Variants in MRE11 observed in about 807,000 individuals in gnomAD.
The protein encoded by MRE11 is double-strand break repair protein MRE11.
In MRE11, 62 loss-of-function variants were observed where a neutral mutation model predicts 91.7. The observed-to-expected ratio is 0.68, with a 90% CI of 0.55 to 0.84. MRE11 has a LOEUF of 0.84. Among genes scored for constraint, MRE11 ranks in the 40% least tolerant of loss-of-function variants. MRE11 has a pLI of 0.00. For synonymous variants in MRE11, 273 were observed against 271.4 expected, an observed-to-expected ratio of 1.01 and a Z score of -0.06; for missense variants, 796 against 852.9, an observed-to-expected ratio of 0.93 and a Z score of 0.83.
In MRE11 at chr11:94,488,605, T is replaced by C. The variant is rs999956487; in HGVS notation, c.153+2228A>G. 5.3e-5 allele frequency among the ~76,000 whole-genome samples: 8 copies of C among 152,298 alleles called. No individual in the cohort carries two copies. The East Asian group carries it at 1.3e-3, about 26-fold the overall frequency. Reference sequence around the variant, plus strand: ...AAGAAAATGTGGTACATATAAACCATGGAATACTATGCAGCTATTAAAAAG... The same window carrying C: ...AAGAAAATGTGGTACATATAAACCACGGAATACTATGCAGCTATTAAAAAG... On this transcript the variant is annotated intron_variant, in intron 3 of 19. Coordinates refer to ENST00000323929, the MANE Select transcript of MRE11 (RefSeq NM_005591.4).
chr11:94,463,008 A>G (rs657249), intron 11 of MRE11, among the ~76,000 whole-genome samples: 44,299 of 152,138 alleles, frequency 0.29, 6,883 homozygotes, highest in Middle Eastern at 0.4. Context: ...ACAGAATGGG[A>G]GAACATTTTT....
At chr11:94,464,021 C>T in intron 11 of MRE11, 92 bp downstream of exon 11, 1 of 1,365,840 alleles carries the variant, frequency 7.3e-7, no homozygotes, top group Non-Finnish European at 1.0e-6. Context: ...CATATTAAAA[C>T]ATCTTCCATT....
chr11:94,489,633 T>C (rs533160332), intron 3 of MRE11, among the ~76,000 whole-genome samples: 1 of 152,258 alleles, frequency 6.6e-6, no homozygotes, highest in South Asian at 2.1e-4. Flanking sequence ...AGGAACCATA[T>C]ATATTTGGGA....
the MRE11 span, among the ~76,000 whole-genome samples, chr11:94,511,512 T>A: frequency 4.6e-5 from 7 of 152,184 alleles, no homozygotes; most frequent in Non-Finnish European, 1.0e-4. Flanking sequence ...AATGGGAGTA[T>A]AAAGGAGCAA....
the MRE11 span, chr11:94,499,141 T>G: frequency 6.5e-6 from 1 of 154,666 alleles, no homozygotes; most frequent in African/African-American, 2.4e-5. Context: ...TCATGAATAT[T>G]GTATACTGCA....
intron 16 of MRE11, among the ~76,000 whole-genome samples, chr11:94,441,487 T>G (rs1009262651): frequency 6.6e-6 from 1 of 152,002 alleles, no homozygotes; most frequent in African/African-American, 2.4e-5. Context: ...TAACAAAGCA[T>G]GGAAGGAAAT....
At chr11:94,511,685 C>G in the MRE11 span, among the ~76,000 whole-genome samples, 4 of 152,172 alleles carry the variant, frequency 2.6e-5, no homozygotes, top group Admixed American at 6.5e-5. Context: ...GAAGAGGTCT[C>G]CTATATTTGG....
chr11:94,465,338 T>C (rs1282122644), intron 10 of MRE11, among the ~76,000 whole-genome samples: 1 of 152,014 alleles, frequency 6.6e-6, no homozygotes, highest in Non-Finnish European at 1.5e-5. Flanking sequence ...TGAAGAGAAC[T>C]ATGTGATTCC....
intron 10 of MRE11, 54 bp from the exon 11 acceptor site, chr11:94,464,293 TA>T (rs1408072474): frequency 6.2e-7 from 1 of 1,608,356 alleles, no homozygotes; most frequent in African/African-American, 1.3e-5. Flanking sequence ...TGCCAATTTT[TA>T]AAACACACAC....
At chr11:94,479,648 A>G (rs754790949) in intron 5 of MRE11, 26 bp downstream of exon 5, 64 of 1,595,078 alleles carry the variant, frequency 4.0e-5, no homozygotes, top group Non-Finnish European at 5.1e-5. Flanking sequence ...CAAAATTCCA[A>G]CAAACTCTAA....
At chr11:94,496,999 G>A, upstream of MRE11, 1 of 1,607,774 alleles carries the variant, frequency 6.2e-7, no homozygotes, top group Non-Finnish European at 8.5e-7. Flanking sequence ...GAAAAGCACT[G>A]GGTTCAAGCC....
At chr11:94,495,893 T>C (rs1947412237), upstream of MRE11, among the ~76,000 whole-genome samples, 1 of 152,202 alleles carries the variant, frequency 6.6e-6, no homozygotes, top group South Asian at 2.1e-4. Context: ...TTGCTCATTA[T>C]TGAATCCCAG....
In MRE11 at chr11:94,415,833, CAG is replaced by C. The variant is rs1945021775; in HGVS notation, c.*4290_*4291del. 1 of 152,266 alleles carries C rather than the reference CAG, an allele frequency of 6.6e-6. No individual in the cohort carries two copies. The allele number at this position is 152,266 out of a possible 1,614,324, so 9.4% of individuals were successfully genotyped here. On this transcript the variant is annotated 3_prime_UTR_variant, in exon 20 of 20. Transcript: ENST00000323929. Reference sequence around the variant, plus strand: ...CGATTGATGGATAGATTGATTGAGACAGAGTCTTGCTCTGTTGCCCAGGCTGG... The same window carrying C: ...CGATTGATGGATAGATTGATTGAGACAGTCTTGCTCTGTTGCCCAGGCTGG...
At chr11:94,486,711 G>C (rs1295841827) in intron 3 of MRE11, among the ~76,000 whole-genome samples, 2 of 152,184 alleles carry the variant, frequency 1.3e-5, no homozygotes, top group African/African-American at 4.8e-5. Context: ...ATGACACTAC[G>C]ATGAATTTGA....
chr11:94,427,539 C>A (rs918415129), intron 19 of MRE11, among the ~76,000 whole-genome samples: 1 of 152,116 alleles, frequency 6.6e-6, no homozygotes, highest in Non-Finnish European at 1.5e-5. Flanking sequence ...GAAGTCCTAG[C>A]CAGAGCAATC....
intron 19 of MRE11, among the ~76,000 whole-genome samples, chr11:94,423,888 G>A (rs1428462767): frequency 6.6e-6 from 1 of 152,214 alleles, no homozygotes; most frequent in Non-Finnish European, 1.5e-5. Flanking sequence ...TCAGAACACT[G>A]AAAGGAGTGA....
At chr11:94,454,423 C>A (rs556063473) in intron 14 of MRE11, among the ~76,000 whole-genome samples, 2 of 152,104 alleles carry the variant, frequency 1.3e-5, no homozygotes, top group African/African-American at 4.8e-5. Context: ...AGCTAATAGT[C>A]TTGTTTGTCA....
At chr11:94,488,488 A>G (rs971018262) in intron 3 of MRE11, among the ~76,000 whole-genome samples, 14 of 152,212 alleles carry the variant, frequency 9.2e-5, no homozygotes, top group African/African-American at 3.1e-4. Flanking sequence ...ATTCTACCAC[A>G]AAGACACAGC....
intron 16 of MRE11, among the ~76,000 whole-genome samples, chr11:94,440,981 G>A (rs368111157): frequency 2.6e-5 from 4 of 152,042 alleles, no homozygotes; most frequent in African/African-American, 7.2e-5. Flanking sequence ...TGAAACTCTC[G>A]CCAACCTAGA....
Sources: allele counts gnomAD v4.1 joint callset (sites outside exome capture counted in the v4.1 genomes callset), GRCh38; gene constraint gnomAD v4.1.1; transcripts MANE v1.5; gene names NCBI Gene and HGNC (gene_info 2026-07-23, HGNC 2026-07-21).